CSMD2: variants seen among roughly 807,000 people sequenced by gnomAD.
The protein encoded by CSMD2 is CUB and sushi domain-containing protein 2.
In CSMD2, 130 loss-of-function variants were observed where a neutral mutation model predicts 398.5. The observed-to-expected ratio is 0.33, with a 90% CI of 0.28 to 0.38. CSMD2 has a LOEUF of 0.38. Among genes scored for constraint, CSMD2 ranks in the 10% least tolerant of loss-of-function variants. The pLI is 1.00. For synonymous variants in CSMD2, 1,828 were observed against 1,908.5 expected (o/e 0.96, Z 1.10); for missense variants, 3,829 against 4,764.9 (o/e 0.80, Z 5.78).
At chr1:33,903,707 G>C (rs74069785) in intron 5 of CSMD2, among the ~76,000 whole-genome samples, 3 of 152,248 alleles carry the variant, frequency 2.0e-5, no homozygotes, top group Non-Finnish European at 1.5e-5. Flanking sequence ...AGAAGAAAAA[G>C]AAATACGTAA....
At chr1:34,034,145 T>G (rs1014970066) in intron 2 of CSMD2, among the ~76,000 whole-genome samples, 2 of 152,148 alleles carry the variant, frequency 1.3e-5, no homozygotes, top group Admixed American at 1.3e-4. Context: ...CATCTTATGC[T>G]GGGGAAAGGC....
rs147152287 is a variant in CSMD2, at chr1:33,671,877, A to G, written c.4053-8785T>C. On this transcript the variant is annotated intron_variant, in intron 25 of 70. Coordinates refer to ENST00000373381, the MANE Select transcript of CSMD2 (RefSeq NM_001281956.2). The stretch of plus-strand genomic sequence containing the variant: ...CCTCAGTTCTTTTACTCTGAAGGAA[A>G]CTTGGACACACTAGGTATTTTTTAA... Among the ~76,000 whole-genome samples, 8 of 152,352 alleles carry G rather than the reference A, an allele frequency of 5.3e-5. No homozygotes were observed. The East Asian group carries it at 1.5e-3, about 29-fold the overall frequency.
chr1:33,897,577 C>T (rs1296481088), intron 5 of CSMD2, among the ~76,000 whole-genome samples: 1 of 152,180 alleles, frequency 6.6e-6, no homozygotes, highest in African/African-American at 2.4e-5. Flanking sequence ...GTCAAGAGGT[C>T]ACCCCTCCTG....
At chr1:34,125,421 G>A (rs183778113) in intron 1 of CSMD2, among the ~76,000 whole-genome samples, 5 of 152,216 alleles carry the variant, frequency 3.3e-5, no homozygotes, top group Admixed American at 2.0e-4. Flanking sequence ...TCATTTGGAC[G>A]GCAGGTATGG....
intron 60 of CSMD2, among the ~76,000 whole-genome samples, chr1:33,538,841 A>C (rs1163618049): frequency 6.6e-6 from 1 of 152,234 alleles, no homozygotes; most frequent in African/African-American, 2.4e-5. Flanking sequence ...CATTCTCATT[A>C]ACTGCTGTGG....
At chr1:33,918,502 G>C (rs1317272759) in intron 4 of CSMD2, among the ~76,000 whole-genome samples, 3 of 152,194 alleles carry the variant, frequency 2.0e-5, no homozygotes, top group African/African-American at 7.2e-5. Context: ...TTAGAGCTGG[G>C]TTTTGATGAA....
intron 25 of CSMD2, among the ~76,000 whole-genome samples, chr1:33,673,674 T>C (rs1255751835): frequency 1.3e-5 from 2 of 151,940 alleles, no homozygotes; most frequent in African/African-American, 4.8e-5. Context: ...TTCACCAAAG[T>C]TGAAATGAAG....
Position 33,724,587 on chromosome 1 carries a change from G to A in CSMD2, c.2813C>T (p.Thr938Ile). ...LVTFSCDSGY[T>I]LSDGEPLECE... is the part of the protein sequence containing the mutation. ...CTCCAGAGGCTCCCCGTCACTTAAT[G>A]TGTAGCCCGAGTCACAGCTGAAGGT... Residue 938 changes from threonine (T) to isoleucine (I), a missense_variant, in exon 18 of 71, where the codon ACA (threonine) becomes ATA (isoleucine). By Grantham distance (89) the Thr-to-Ile change is moderately conservative (BLOSUM62 -1). This residue lies in a region of CSMD2 where 2,001 missense variants were observed against 2,567.1 expected (regional missense o/e 0.78). Coordinates refer to ENST00000373381, the MANE Select transcript of CSMD2 (RefSeq NM_001281956.2). The A allele has an allele frequency of 6.2e-7, 1 of 1,614,186 alleles. No individual in the cohort carries two copies.
chr1:34,116,404 C>T (rs1661599965), intron 1 of CSMD2, among the ~76,000 whole-genome samples: 1 of 151,798 alleles, frequency 6.6e-6, no homozygotes, highest in Non-Finnish European at 1.5e-5. Context: ...ACAAAGAAGA[C>T]ATTGTATAAT....
rs114885137 is a variant in CSMD2 at position 34,062,414 on chromosome 1, C to G, written c.404+26563G>C. ...AGAGTAGCTTATACCTTCTGACAGT[C>G]ACTTTAATGTGGATGCCTTAAAACA... On this transcript the variant is annotated intron_variant, in intron 2 of 70. Coordinates refer to ENST00000373381, the MANE Select transcript of CSMD2 (RefSeq NM_001281956.2). Among the ~76,000 whole-genome samples the G allele has an allele frequency of 8.2e-3, 1,248 of 152,314 alleles. 17 individuals are homozygous for G. The highest frequency in any genetic ancestry group is 0.026 in the African/African-American group (1,091 of 41,552).
chr1:33,902,246 G>C lies in CSMD2; in HGVS notation c.920+15848C>G, dbSNP rs189725240. ...AAAAGTTGGGGGTGTAACTGAGATG[G>C]ATCAGAAACTGCAGGGCTCCTGGAA... On this transcript the variant is annotated intron_variant, in intron 5 of 70. Coordinates refer to ENST00000373381, the MANE Select transcript of CSMD2 (RefSeq NM_001281956.2). Among the ~76,000 whole-genome samples the C allele has an allele frequency of 8.1e-4, 123 of 152,244 alleles. 1 individual carries two copies. Among genetic ancestry groups the C allele is most frequent in the Admixed American group, 1.4e-3 (22 of 15,292 alleles).
intron 3 of CSMD2, among the ~76,000 whole-genome samples, chr1:33,952,817 A>G (rs1303107599): frequency 6.6e-6 from 1 of 152,062 alleles, no homozygotes; most frequent in Non-Finnish European, 1.5e-5. Context: ...CGCAAAAACT[A>G]TTTCTTGAAT....
intron 1 of CSMD2, among the ~76,000 whole-genome samples, chr1:34,095,155 GACTACTGGGT>G (rs1157224822): frequency 8.9e-6 from 1 of 112,982 alleles, no homozygotes; most frequent in African/African-American, 3.5e-5. Context: ...GCTCCTGAAT[GACTACTGGGT>G]ACATAACGAA....
chr1:33,576,483 C>T (rs958487176), intron 49 of CSMD2, among the ~76,000 whole-genome samples: 7 of 152,142 alleles, frequency 4.6e-5, no homozygotes, highest in African/African-American at 9.6e-5. Flanking sequence ...CCCAGCTACT[C>T]GGGAGGCTGA....
chr1:33,952,333 C>G (rs1182649145), intron 3 of CSMD2, among the ~76,000 whole-genome samples: 3 of 152,182 alleles, frequency 2.0e-5, no homozygotes, highest in East Asian at 1.9e-4. Context: ...ATAAGAATAA[C>G]AGTAGTGATG....
At chr1:33,553,827 T>C (rs1275059339) in intron 55 of CSMD2, among the ~76,000 whole-genome samples, 1 of 152,168 alleles carries the variant, frequency 6.6e-6, no homozygotes, top group Non-Finnish European at 1.5e-5. Context: ...CTGTGCATTG[T>C]AGGACGTTTA....
intron 5 of CSMD2, among the ~76,000 whole-genome samples, chr1:33,899,871 T>C (rs1000033612): frequency 1.3e-5 from 2 of 152,218 alleles, no homozygotes; most frequent in African/African-American, 4.8e-5. Context: ...CCCTGGGACC[T>C]CAGGGCTGCC....
chr1:33,828,445 G>C (rs1267451524), intron 6 of CSMD2, among the ~76,000 whole-genome samples: 4 of 152,206 alleles, frequency 2.6e-5, no homozygotes, highest in Non-Finnish European at 5.9e-5. Context: ...GGTCAGGTCT[G>C]TGGAGATGGC....
rs181860990 is a variant in CSMD2, at chr1:33,907,784, G to A, written c.920+10310C>T. Among the ~76,000 whole-genome samples, 491 of 152,176 alleles carry A rather than the reference G, an allele frequency of 3.2e-3. 1 individual carries two copies. The highest frequency in any genetic ancestry group is 0.011 in the African/African-American group (454 of 41,440). On this transcript the variant is annotated intron_variant, in intron 5 of 70. Transcript: ENST00000373381. ...TGTGTGAATCCTGCCTCTCTGGTGA[G>A]TCTGTGGATGTCACCCATCAGCCAC... is the stretch of plus-strand genomic sequence containing the variant.
Sources: gnomAD v4.1 joint callset for allele counts (sites outside exome capture counted in the v4.1 genomes callset) on GRCh38, gnomAD v4.1.1 for gene constraint, gnomAD v4.1.1 regional missense constraint, MANE v1.5 for transcripts, NCBI Gene and HGNC (gene_info 2026-07-23, HGNC 2026-07-21) for gene names.